The following KCNH8 variants were observed in gnomAD, a reference collection of about 807,000 sequenced individuals.
KCNH8 encodes the protein voltage-gated delayed rectifier potassium channel KCNH8.
Under a neutral mutation model 103.6 loss-of-function variants are expected in KCNH8, and 70 were observed. The observed-to-expected ratio is 0.68, with a 90% CI of 0.56 to 0.82. The LOEUF is 0.82. Among genes scored for constraint, KCNH8 ranks in the 40% least tolerant of loss-of-function variants. The pLI is 0.00. For synonymous variants in KCNH8, 498 were observed against 489.4 expected, an observed-to-expected ratio of 1.02 and a Z score of -0.23; for missense variants, 1,217 against 1,329.9, an observed-to-expected ratio of 0.92 and a Z score of 1.32.
chr3:19,388,072 G>T (rs996386345), intron 5 of KCNH8, among the ~76,000 whole-genome samples: 7 of 151,934 alleles, frequency 4.6e-5, no homozygotes, highest in Non-Finnish European at 8.8e-5. Flanking sequence ...TCATGGGAGT[G>T]CTGCTGGAAT....
chr3:19,285,662 T>A (rs948265248), intron 3 of KCNH8, among the ~76,000 whole-genome samples: 6 of 151,974 alleles, frequency 3.9e-5, no homozygotes, highest in African/African-American at 1.5e-4. Context: ...CTATTCCCAT[T>A]TATTGATGAA....
At chr3:19,296,022 T>C (rs1442710872) in intron 3 of KCNH8, among the ~76,000 whole-genome samples, 1 of 152,156 alleles carries the variant, frequency 6.6e-6, no homozygotes, top group Non-Finnish European at 1.5e-5. Flanking sequence ...TCACTATGTA[T>C]CAATCCTGCT....
chr3:19,157,549 T>A (rs542462922), intron 1 of KCNH8, among the ~76,000 whole-genome samples: 2 of 152,200 alleles, frequency 1.3e-5, no homozygotes, highest in African/African-American at 4.8e-5. Context: ...GTATTATTGC[T>A]TCTGGCAAGT....
At chr3:19,285,483 G>A (rs942135152) in intron 3 of KCNH8, among the ~76,000 whole-genome samples, 13 of 152,012 alleles carry the variant, frequency 8.6e-5, no homozygotes, top group Admixed American at 2.6e-4. Context: ...TGCAATTCAC[G>A]TAGCACAGGG....
At chr3:19,474,756 CAT>C (rs2067935062) in intron 11 of KCNH8, among the ~76,000 whole-genome samples, 1 of 152,204 alleles carries the variant, frequency 6.6e-6, no homozygotes, top group South Asian at 2.1e-4. Flanking sequence ...GAAAGCGGAA[CAT>C]ATGATGACTG....
chr3:19,352,276 T>A (rs992932664), intron 5 of KCNH8, among the ~76,000 whole-genome samples: 1 of 152,028 alleles, frequency 6.6e-6, no homozygotes, highest in South Asian at 2.1e-4. Context: ...TCCCACAGAA[T>A]AATAATGGGA....
At chr3:19,447,072 G>C (rs2125179817) in intron 8 of KCNH8, among the ~76,000 whole-genome samples, 1 of 152,074 alleles carries the variant, frequency 6.6e-6, no homozygotes, top group African/African-American at 2.4e-5. Flanking sequence ...AAATTTGCTA[G>C]AAATAAAGGA....
At chr3:19,370,603 ATATTT>A (rs1414104409) in intron 5 of KCNH8, among the ~76,000 whole-genome samples, 30 of 152,120 alleles carry the variant, frequency 2.0e-4, no homozygotes, top group African/African-American at 7.0e-4. Flanking sequence ...GACTGTATAC[ATATTT>A]TATTTTATTT....
Position 19,272,440 on chromosome 3 carries a change from G to A in KCNH8, c.311-8758G>A, listed in dbSNP as rs1026421965. 2.6e-5 allele frequency among the ~76,000 whole-genome samples: 4 copies of A among 152,058 alleles called. 1 individual carries two copies. Among genetic ancestry groups the A allele is most frequent in the South Asian group, 4.1e-4 (2 of 4,828 alleles). The stretch of plus-strand genomic sequence containing the variant: ...CTGCGGTGCTCTGAAACGCATCACC[G>A]GATCAGCCAAAGTTTTCATGGGCTG... On this transcript the variant is annotated intron_variant, in intron 2 of 15. Coordinates refer to ENST00000328405, the MANE Select transcript of KCNH8 (RefSeq NM_144633.3).
chr3:19,367,769 C>T (rs1371556408), intron 5 of KCNH8, among the ~76,000 whole-genome samples: 1 of 151,886 alleles, frequency 6.6e-6, no homozygotes, highest in Non-Finnish European at 1.5e-5. Flanking sequence ...ACAGCACAGC[C>T]TACTTTAGAG....
At chr3:19,360,634 A>C (rs2065935918) in intron 5 of KCNH8, among the ~76,000 whole-genome samples, 1 of 151,978 alleles carries the variant, frequency 6.6e-6, no homozygotes, top group Non-Finnish European at 1.5e-5. Flanking sequence ...TTCCATAACA[A>C]ATATTTTATA....
chr3:19,484,147 T>C (rs111473200), intron 11 of KCNH8, among the ~76,000 whole-genome samples: 54 of 152,268 alleles, frequency 3.5e-4, no homozygotes, highest in African/African-American at 1.1e-3. Context: ...TATTTATGAG[T>C]CCTCACCAGT....
chr3:19,369,507 G>A (rs145038164), intron 5 of KCNH8, among the ~76,000 whole-genome samples: 7 of 151,726 alleles, frequency 4.6e-5, no homozygotes, highest in Admixed American at 1.3e-4. Flanking sequence ...AGATTGTTTC[G>A]CCACCTAGCA....
chr3:19,473,483 G>T (rs1202384876), intron 11 of KCNH8, among the ~76,000 whole-genome samples: 1 of 152,030 alleles, frequency 6.6e-6, no homozygotes, highest in Non-Finnish European at 1.5e-5. Context: ...ACTGGCTCTG[G>T]GAGAATTTCT....
At chr3:19,425,861 C>T (rs1040614408) in intron 7 of KCNH8, among the ~76,000 whole-genome samples, 2 of 151,998 alleles carry the variant, frequency 1.3e-5, no homozygotes, top group African/African-American at 2.4e-5. Context: ...AAAAAGACTA[C>T]CACATAGAGG....
intron 11 of KCNH8, among the ~76,000 whole-genome samples, chr3:19,466,344 G>C (rs1381530333): frequency 6.6e-6 from 1 of 152,186 alleles, no homozygotes; most frequent in Non-Finnish European, 1.5e-5. Flanking sequence ...CATGAACTTA[G>C]TTTATAAAGC....
At chr3:19,188,499 G>T (rs2063523309) in intron 1 of KCNH8, among the ~76,000 whole-genome samples, 1 of 152,018 alleles carries the variant, frequency 6.6e-6, no homozygotes, top group South Asian at 2.1e-4. Context: ...ATTATGTCCA[G>T]AGGGCCTTAG....
At chr3:19,509,974 G>A (rs919955090) in intron 11 of KCNH8, among the ~76,000 whole-genome samples, 5 of 144,934 alleles carry the variant, frequency 3.4e-5, no homozygotes, top group African/African-American at 1.3e-4. Context: ...TAGCAAAATA[G>A]CAAGAAAGAA....
At chr3:19,213,839 T>G (rs1490179360) in intron 1 of KCNH8, among the ~76,000 whole-genome samples, 1 of 152,068 alleles carries the variant, frequency 6.6e-6, no homozygotes, top group Non-Finnish European at 1.5e-5. Context: ...ATTGGCCATG[T>G]GGGTAGGAGG....
Sources: gnomAD v4.1 joint callset for allele counts (sites outside exome capture counted in the v4.1 genomes callset) on GRCh38, gnomAD v4.1.1 for gene constraint, MANE v1.5 for transcripts, NCBI Gene and HGNC (gene_info 2026-07-23, HGNC 2026-07-21) for gene names.